Variants in EPC1 observed in about 807,000 individuals in gnomAD.
EPC1 encodes enhancer of polycomb 1, also known as enhancer of polycomb homolog 1.
In EPC1, 12 loss-of-function variants were observed where a neutral mutation model predicts 98.4. The observed-to-expected ratio is 0.12, with a 90% CI of 0.08 to 0.20. The LOEUF (loss-of-function observed/expected upper bound fraction) is 0.20, where lower values mean the gene tolerates loss of function less well. Among genes scored for constraint, EPC1 ranks in the 10% least tolerant of loss-of-function variants. EPC1 has a pLI of 1.00. For synonymous variants in EPC1, 357 were observed against 363.9 expected, an observed-to-expected ratio of 0.98 and a Z score of 0.21; for missense variants, 729 against 990.5, an observed-to-expected ratio of 0.74 and a Z score of 3.54.
chr10:32,271,829 C>A lies in EPC1; in HGVS notation c.2094G>T (p.Gln698His). ...SPSTAGSALL[Q>H]PSNITQTSSS... ...TTGAAGTCTGTGTAATATTTGAAGG[C>A]TGTAACAAAGCTGAACCTGCCGTTG... The change falls in exon 13 of 14, where the codon CAG (glutamine) becomes CAT (histidine). Residue 698 changes from glutamine to histidine, a missense_variant. This residue lies in a region of EPC1 where 156 missense variants were observed against 188.9 expected (regional missense o/e 0.83). Coordinates refer to ENST00000319778, the MANE Select transcript of EPC1 (RefSeq NM_001272004.3). 1 of 1,614,092 alleles carries A rather than the reference C, an allele frequency of 6.2e-7. No homozygotes were observed. The highest frequency in any genetic ancestry group is 8.5e-7 in the Non-Finnish European group (1 of 1,180,012).
chr10:32,300,456 C>CA, intron 2 of EPC1, among the ~76,000 whole-genome samples: 1 of 146,852 alleles, frequency 6.8e-6, no homozygotes, highest in Admixed American at 6.9e-5. Context: ...TTTCCTGAGA[C>CA]AGAGTCTTGC....
At chr10:32,292,416 T>G in intron 5 of EPC1, 80 bp downstream of exon 5, 2 of 1,020,678 alleles carry the variant, frequency 2.0e-6, no homozygotes, top group South Asian at 4.1e-5. Flanking sequence ...ATTAGATTAT[T>G]GCATAGGAAA....
chr10:32,344,005 A>T (rs1277183083), intron 1 of EPC1, among the ~76,000 whole-genome samples: 4 of 152,164 alleles, frequency 2.6e-5, no homozygotes, highest in Non-Finnish European at 1.5e-5. Flanking sequence ...TTTTTCTAAG[A>T]CAGTCAGTTC....
At chr10:32,301,980 G>A (rs1031554399) in intron 2 of EPC1, among the ~76,000 whole-genome samples, 1 of 152,108 alleles carries the variant, frequency 6.6e-6, no homozygotes, top group African/African-American at 2.4e-5. Context: ...AGAAATGGTA[G>A]AAAAATTTCG....
intron 1 of EPC1, among the ~76,000 whole-genome samples, chr10:32,314,321 A>C (rs529426535): frequency 6.6e-6 from 1 of 152,306 alleles, no homozygotes; most frequent in Non-Finnish European, 1.5e-5. Context: ...ACTGAACAAC[A>C]ATCTTTAGAA....
intron 1 of EPC1, among the ~76,000 whole-genome samples, chr10:32,368,603 T>C (rs1839666124): frequency 6.6e-6 from 1 of 152,226 alleles, no homozygotes; most frequent in East Asian, 1.9e-4. Flanking sequence ...ATTTATTTAA[T>C]GAAAGAAAAG....
intron 10 of EPC1, among the ~76,000 whole-genome samples, chr10:32,280,494 A>G (rs1203284826): frequency 6.7e-6 from 1 of 150,180 alleles, no homozygotes; most frequent in East Asian, 2.0e-4. Context: ...TAATCCCAGC[A>G]TATTGGGAGG....
intron 1 of EPC1, among the ~76,000 whole-genome samples, chr10:32,376,586 A>G (rs1054805286): frequency 1.3e-5 from 2 of 152,112 alleles, no homozygotes; most frequent in Non-Finnish European, 2.9e-5. Context: ...TAAACAAAAT[A>G]TGGGCTAATA....
At chr10:32,364,960 C>G (rs1257261411) in intron 1 of EPC1, among the ~76,000 whole-genome samples, 4 of 149,664 alleles carry the variant, frequency 2.7e-5, no homozygotes, top group Admixed American at 2.7e-4. Flanking sequence ...ATTTTTTGGC[C>G]CAAGAGGATT....
intron 1 of EPC1, among the ~76,000 whole-genome samples, chr10:32,309,676 C>T (rs1248051764): frequency 1.4e-5 from 2 of 146,318 alleles, no homozygotes; most frequent in Non-Finnish European, 3.0e-5. Flanking sequence ...GGCAACATAG[C>T]CACACCCTGT....
chr10:32,321,913 A>ATG (rs1836947955), intron 1 of EPC1, among the ~76,000 whole-genome samples: 1 of 151,802 alleles, frequency 6.6e-6, no homozygotes, highest in Non-Finnish European at 1.5e-5. Context: ...GGCTGAAGAG[A>ATG]TGATCAACAG....
intron 6 of EPC1, among the ~76,000 whole-genome samples, chr10:32,288,257 T>A (rs1054902282): frequency 9.2e-5 from 14 of 151,658 alleles, no homozygotes; most frequent in African/African-American, 3.4e-4. Context: ...AAAGCTAACA[T>A]CAGCTGTCAG....
chr10:32,361,653 T>C (rs1023900278), intron 1 of EPC1, among the ~76,000 whole-genome samples: 1 of 152,204 alleles, frequency 6.6e-6, no homozygotes, highest in Non-Finnish European at 1.5e-5. Context: ...AGTTCATCTA[T>C]GTGCTTCCAA....
At chr10:32,327,844 C>T (rs2132949646) in intron 1 of EPC1, among the ~76,000 whole-genome samples, 1 of 152,198 alleles carries the variant, frequency 6.6e-6, no homozygotes, top group Non-Finnish European at 1.5e-5. Flanking sequence ...TGGGGGACAC[C>T]AGAGTCATGT....
intron 1 of EPC1, among the ~76,000 whole-genome samples, chr10:32,326,547 T>C (rs1280589446): frequency 2.6e-5 from 4 of 152,112 alleles, no homozygotes; most frequent in Admixed American, 2.0e-4. Context: ...CTAACAAATA[T>C]AAATTGGTAC....
chr10:32,340,880 G>A (rs2133030824), intron 1 of EPC1, among the ~76,000 whole-genome samples: 1 of 151,826 alleles, frequency 6.6e-6, no homozygotes, highest in African/African-American at 2.4e-5. Flanking sequence ...TGAATCCCTT[G>A]TCTTCTCATT....
chr10:32,360,180 T>C (rs1839402311), intron 1 of EPC1, among the ~76,000 whole-genome samples: 1 of 152,358 alleles, frequency 6.6e-6, no homozygotes, highest in African/African-American at 2.4e-5. Flanking sequence ...TTTTGTATCA[T>C]TCCTAGGTAT....
intron 1 of EPC1, among the ~76,000 whole-genome samples, chr10:32,340,765 A>G (rs1838289273): frequency 6.6e-6 from 1 of 152,168 alleles, no homozygotes; most frequent in South Asian, 2.1e-4. Flanking sequence ...TTGAGGCTGC[A>G]GCTGCAGTGA....
intron 1 of EPC1, among the ~76,000 whole-genome samples, chr10:32,331,768 CA>C (rs1337652958): frequency 6.6e-6 from 1 of 152,156 alleles, no homozygotes; most frequent in African/African-American, 2.4e-5. Flanking sequence ...ACTTTGTAAA[CA>C]TAAGTTTATA....
Sources: gnomAD v4.1 joint callset for allele counts (sites outside exome capture counted in the v4.1 genomes callset) on GRCh38, gnomAD v4.1.1 for gene constraint, gnomAD v4.1.1 regional missense constraint, MANE v1.5 for transcripts, NCBI Gene and HGNC (gene_info 2026-07-23, HGNC 2026-07-21) for gene names.